KHDC4: variants seen among roughly 807,000 people sequenced by gnomAD.
The protein encoded by KHDC4 is KH homology domain-containing protein 4.
In KHDC4, 19 loss-of-function variants were observed where a neutral mutation model predicts 74.5. The observed-to-expected ratio is 0.26, with a 90% CI of 0.18 to 0.37. KHDC4 has a LOEUF of 0.37. Among genes scored for constraint, KHDC4 ranks in the 10% least tolerant of loss-of-function variants. The probability of loss-of-function intolerance (pLI) is 1.00; values close to 1 mark genes in which losing one functional copy is unlikely to be tolerated. For missense variants in KHDC4, 632 were observed against 754.1 expected, an observed-to-expected ratio of 0.84 and a Z score of 1.90; for synonymous variants, 253 against 266.1, an observed-to-expected ratio of 0.95 and a Z score of 0.48.
intron 2 of KHDC4, among the ~76,000 whole-genome samples, chr1:155,931,306 AAAGACAG>A (rs1300268882): frequency 1.5e-4 from 23 of 151,140 alleles, no homozygotes; most frequent in Middle Eastern, 3.4e-3. Flanking sequence ...AAAAAAAAAA[AAAGACAG>A]AAAGACAGAA....
At position 155,914,906 on chromosome 1, in the gene KHDC4, A is replaced by C. The variant is rs1448359511; in HGVS notation, c.1646-586T>G. ...CTCCTGGTATTCACATAATATAGGC[A>C]ACAGGATTTTGAAATGACCTACCAC... On this transcript the variant is annotated intron_variant, in intron 13 of 13. Coordinates refer to ENST00000368321, the MANE Select transcript of KHDC4 (RefSeq NM_014949.4). 2.0e-5 allele frequency: 3 copies of C among 152,546 alleles called. No individual in the cohort carries two copies. The East Asian group carries it at 5.8e-4, about 29-fold the overall frequency. The allele number at this position is 152,546 out of a possible 1,614,324, so 9.4% of individuals were successfully genotyped here. A position where few individuals can be genotyped will look rare whatever the true frequency, so the allele number is the denominator to read the frequency against.
chr1:155,922,605 A>G (rs1054706037), intron 8 of KHDC4, among the ~76,000 whole-genome samples: 1 of 152,230 alleles, frequency 6.6e-6, no homozygotes, highest in African/African-American at 2.4e-5. Context: ...AGTTGTTAGT[A>G]TAACTGGTGA....
chr1:155,925,985 T>C, intron 6 of KHDC4, 142 bp from the exon 7 acceptor site: 1 of 801,978 alleles, frequency 1.2e-6, no homozygotes, highest in South Asian at 1.3e-5. Context: ...GTCAGCCCTG[T>C]GATACTCTTC....
intron 12 of KHDC4, among the ~76,000 whole-genome samples, 184 bp from the exon 13 acceptor site, chr1:155,916,148 G>A (rs537373205): frequency 6.6e-6 from 1 of 152,150 alleles, no homozygotes; most frequent in East Asian, 1.9e-4. Context: ...CACAGCAATT[G>A]CCATGACAAA....
Position 155,913,830 on chromosome 1 carries a change from G to A in KHDC4, c.*291C>T, listed in dbSNP as rs1377387179. 1 of 373,640 alleles carries A rather than the reference G, an allele frequency of 2.7e-6. No individual in the cohort carries two copies. Among genetic ancestry groups the A allele is most frequent in the Non-Finnish European group, 4.9e-6 (1 of 202,600 alleles). 23.1% of individuals were successfully genotyped at this position (373,640 alleles called of 1,614,324 possible). A position where few individuals can be genotyped will look rare whatever the true frequency, so the allele number is the denominator to read the frequency against. ...AGGCTGACCAGGTCAAATGTGTATG[G>A]GAACGACCCTGTTAGGATGCTTTGT... On this transcript the variant is annotated 3_prime_UTR_variant, in exon 14 of 14. Transcript: ENST00000368321.
intron 12 of KHDC4, 107 bp from the exon 13 acceptor site, chr1:155,916,071 T>C: frequency 1.3e-6 from 1 of 747,876 alleles, no homozygotes; most frequent in Non-Finnish European, 2.3e-6. Flanking sequence ...TCAAATTCAT[T>C]TTAACCATTA....
chr1:155,922,066 AT>A (rs34107786), intron 8 of KHDC4, 148 bp from the exon 9 acceptor site: 39,672 of 369,906 alleles, frequency 0.11, 67 homozygotes, highest in South Asian at 0.14. Context: ...TTTAACCCAC[AT>A]TTTTTTTTTT....
Position 155,917,643 on chromosome 1 carries a change from A to G in KHDC4, c.1296T>C (p.Ala432=), listed in dbSNP as rs781707755. ...CAGGCAAGGCAGTTTTGACAGGAGC[A>G]GCAGGAATAAAAGGACCACCCATCG... The part of the protein sequence containing the change: ...QSPMGGPFIP[A]APVKTALPAG... The change falls in exon 11 of 14, where the codon GCT becomes GCC. Residue 432 remains alanine (A), a synonymous_variant. Coordinates refer to ENST00000368321, the MANE Select transcript of KHDC4 (RefSeq NM_014949.4). 1 of 1,588,836 alleles carries G rather than the reference A, an allele frequency of 6.3e-7. No homozygotes were observed. The highest frequency in any genetic ancestry group is 1.1e-5 in the South Asian group (1 of 88,488).
intron 4 of KHDC4, among the ~76,000 whole-genome samples, chr1:155,927,576 G>A (rs1240797102): frequency 1.3e-5 from 2 of 151,276 alleles, no homozygotes; most frequent in East Asian, 1.9e-4. Context: ...AGGCTGAGGT[G>A]GGTGGATGAC....
rs768463864 is a variant in KHDC4, at chr1:155,929,800, T to C, written c.296A>G (p.Lys99Arg). ...PGKGLTSNKS[K>R]DDLVVAEVEI... is the part of the protein sequence containing the mutation. The stretch of plus-strand genomic sequence containing the variant: ...TACTTCAGCTACCACCAGGTCATCC[T>C]TGCTTTTATTGCTAGTTAGGCCTTT... Residue 99 changes from lysine (K) to arginine (R), a missense_variant, in exon 3 of 14, where the codon AAG becomes AGG. Physicochemically the swap from Lys to Arg is conservative, Grantham distance 26. Coordinates refer to ENST00000368321, the MANE Select transcript of KHDC4 (RefSeq NM_014949.4). 5 of 1,610,882 alleles carry C rather than the reference T, an allele frequency of 3.1e-6. No individual in the cohort carries two copies. The highest frequency in any genetic ancestry group is 4.2e-6 in the Non-Finnish European group (5 of 1,178,680).
At chr1:155,915,499 GCTTT>G (rs1673712351) in intron 13 of KHDC4, 1 of 205,452 alleles carries the variant, frequency 4.9e-6, no homozygotes, top group Admixed American at 5.9e-5. Context: ...AAAATTAATA[GCTTT>G]ATTTATGTAT....
At chr1:155,915,404 A>C (rs979417026) in intron 13 of KHDC4, 1 of 152,868 alleles carries the variant, frequency 6.5e-6, no homozygotes, top group African/African-American at 2.4e-5. Flanking sequence ...TACAGGCGTG[A>C]GCCACCGTGC....
rs1346042818 is a variant in KHDC4, at chr1:155,923,619, C to A, written c.954+8G>T. The A allele has an allele frequency of 6.2e-7, 1 of 1,609,258 alleles. No homozygotes were observed. Among genetic ancestry groups the A allele is most frequent in the Admixed American group, 1.7e-5 (1 of 60,012 alleles). ...CTTCTGAATGAGTATCAGACAAATA[C>A]AACTCACTGTTTGCAAAAGATTCTC... On this transcript the variant is annotated splice_region_variant and intron_variant, in intron 8 of 13. Coordinates refer to ENST00000368321, the MANE Select transcript of KHDC4 (RefSeq NM_014949.4).
Position 155,925,626 on chromosome 1 carries a change from C to A in KHDC4, c.893+6G>T. 6.2e-7 allele frequency: 1 copy of A among 1,611,724 alleles called. No homozygotes were observed. The highest frequency in any genetic ancestry group is 8.5e-7 in the Non-Finnish European group (1 of 1,177,798). On this transcript the variant is annotated splice_donor_region_variant and intron_variant, in intron 7 of 13. Coordinates refer to ENST00000368321, the MANE Select transcript of KHDC4 (RefSeq NM_014949.4). The stretch of plus-strand genomic sequence containing the variant: ...TTCACATGTCCCCTGCCCTATCCAT[C>A]CATACCTGATGTAAATATACATAGG...
chr1:155,926,929 T>C, intron 5 of KHDC4, 90 bp from the exon 6 acceptor site: 1 of 1,467,318 alleles, frequency 6.8e-7, no homozygotes, highest in Non-Finnish European at 9.5e-7. Flanking sequence ...TAAATCTGCT[T>C]TATACGTTAC....
chr1:155,926,959 T>A (rs907087739), intron 5 of KHDC4, 120 bp from the exon 6 acceptor site: 6 of 1,340,176 alleles, frequency 4.5e-6, no homozygotes, highest in Non-Finnish European at 6.4e-6. Context: ...TGGCTCTCCA[T>A]CCCTCTAAAC....
chr1:155,932,626 C>G (rs1365933712), intron 2 of KHDC4: 1 of 152,132 alleles, frequency 6.6e-6, no homozygotes, highest in East Asian at 1.9e-4. Context: ...TTTAATTTTT[C>G]CTCATAAACC....
At chr1:155,933,445 C>T (rs1165044011) in intron 2 of KHDC4, 188 bp downstream of exon 2, 2 of 462,170 alleles carry the variant, frequency 4.3e-6, no homozygotes, top group Admixed American at 3.7e-5. Context: ...GCCACCATGC[C>T]CGACTAATTT....
chr1:155,926,149 T>C (rs747997499), intron 6 of KHDC4: 13 of 548,056 alleles, frequency 2.4e-5, no homozygotes, highest in African/African-American at 7.5e-5. Context: ...CATGTATACC[T>C]TCTGCTCTAT....
Sources: allele counts gnomAD v4.1 joint callset (sites outside exome capture counted in the v4.1 genomes callset), GRCh38; gene constraint gnomAD v4.1.1; transcripts MANE v1.5; gene names NCBI Gene and HGNC (gene_info 2026-07-23, HGNC 2026-07-21).